The following OPCML variants were observed in gnomAD, a reference collection of about 807,000 sequenced individuals.
The protein encoded by OPCML is opioid binding protein/cell adhesion molecule like.
Under a neutral mutation model 37.8 loss-of-function variants are expected in OPCML, and 13 were observed. The observed-to-expected ratio is 0.34, with a 90% CI of 0.22 to 0.55. OPCML has a LOEUF of 0.55. Among genes scored for constraint, OPCML ranks in the 20% least tolerant of loss-of-function variants. OPCML has a pLI of 0.91. For synonymous variants in OPCML, 176 were observed against 168.8 expected (o/e 1.04, Z -0.33); for missense variants, 341 against 435.6 (o/e 0.78, Z 1.93).
intron 2 of OPCML, among the ~76,000 whole-genome samples, chr11:132,835,357 T>C (rs778345884): frequency 6.6e-6 from 1 of 152,144 alleles, no homozygotes; most frequent in African/African-American, 2.4e-5. Context: ...GTGGAAAGAA[T>C]TGCATTCTCC....
intron 4 of OPCML, among the ~76,000 whole-genome samples, chr11:132,446,639 T>C (rs747538170): frequency 6.6e-6 from 1 of 152,166 alleles, no homozygotes; most frequent in Non-Finnish European, 1.5e-5. Context: ...TTTTATTTAT[T>C]TTACACATTT....
At chr11:133,038,732 G>T (rs1035935109) in intron 1 of OPCML, among the ~76,000 whole-genome samples, 2 of 151,802 alleles carry the variant, frequency 1.3e-5, no homozygotes, top group Non-Finnish European at 2.9e-5. Context: ...GCTGTCTAAG[G>T]TGAGTTCAGG....
At chr11:133,465,634 T>G (rs1946959853) in intron 1 of OPCML, among the ~76,000 whole-genome samples, 1 of 152,156 alleles carries the variant, frequency 6.6e-6, no homozygotes, top group Non-Finnish European at 1.5e-5. Flanking sequence ...CGTGGTGGAA[T>G]AGCCAAGAAG....
intron 1 of OPCML, among the ~76,000 whole-genome samples, chr11:133,062,679 G>C (rs896239692): frequency 6.6e-6 from 1 of 152,130 alleles, no homozygotes; most frequent in South Asian, 2.1e-4. Context: ...CTGCCTGAGC[G>C]GCATCCTTGG....
In OPCML at chr11:133,427,873, G is replaced by A. The variant is rs186603633; in HGVS notation, c.61+104391C>T. 1.9e-3 allele frequency among the ~76,000 whole-genome samples: 291 copies of A among 152,086 alleles called. 2 individuals are homozygous for A. The highest frequency in any genetic ancestry group is 6.4e-3 in the African/African-American group (264 of 41,494). ...GTATACTCTCCATGAAAATATCTATGTGCATATATATGTAAGCCCACACCT... is the reference window on the plus strand; with the variant it reads ...GTATACTCTCCATGAAAATATCTATATGCATATATATGTAAGCCCACACCT... On this transcript the variant is annotated intron_variant, in intron 1 of 7. Coordinates refer to ENST00000524381, the MANE Select transcript of OPCML (RefSeq NM_001012393.5).
At chr11:132,488,029 G>A (rs1181680938) in intron 4 of OPCML, among the ~76,000 whole-genome samples, 2 of 152,196 alleles carry the variant, frequency 1.3e-5, no homozygotes, top group East Asian at 3.9e-4. Context: ...TACCTTTGCA[G>A]CCACAGCTCC....
intron 4 of OPCML, among the ~76,000 whole-genome samples, chr11:132,519,803 C>G (rs766547238): frequency 6.6e-5 from 10 of 152,112 alleles, no homozygotes; most frequent in Admixed American, 2.0e-4. Flanking sequence ...TAATTAGGCT[C>G]TAAACATGAC....
At chr11:133,254,484 C>A (rs191863987) in intron 1 of OPCML, among the ~76,000 whole-genome samples, 11 of 152,242 alleles carry the variant, frequency 7.2e-5, no homozygotes, top group Admixed American at 6.5e-4. Context: ...TTCTTCAACC[C>A]GGGAAGGCAA....
Position 133,320,938 on chromosome 11 carries a change from G to A in OPCML, c.61+211326C>T, listed in dbSNP as rs887451766. Among the ~76,000 whole-genome samples, 8 of 152,136 alleles carry A rather than the reference G, an allele frequency of 5.3e-5. No individual in the cohort carries two copies. The East Asian group carries it at 7.7e-4, about 15-fold the overall frequency. ...GGCTGAGGATGTGGTCTTATCAGCC[G>A]TGGAGTTTGGCTAAGGCAGAAAACA... On this transcript the variant is annotated intron_variant, in intron 1 of 7. Transcript: ENST00000524381.
chr11:133,438,079 T>G (rs1172962329), intron 1 of OPCML, among the ~76,000 whole-genome samples: 1 of 152,218 alleles, frequency 6.6e-6, no homozygotes, highest in Non-Finnish European at 1.5e-5. Context: ...TAGTCAAGTT[T>G]AAATAACTGT....
At chr11:133,295,840 A>G (rs1942616070) in intron 1 of OPCML, among the ~76,000 whole-genome samples, 2 of 152,236 alleles carry the variant, frequency 1.3e-5, no homozygotes, top group African/African-American at 4.8e-5. Flanking sequence ...TCATAGAAAA[A>G]GCCAGTTTTT....
intron 1 of OPCML, among the ~76,000 whole-genome samples, chr11:133,110,156 T>G (rs973947867): frequency 1.3e-5 from 2 of 152,202 alleles, no homozygotes; most frequent in African/African-American, 4.8e-5. Context: ...AACAACCCTG[T>G]TCTGGTCCAT....
At position 132,509,952 on chromosome 11, in the gene OPCML, G is replaced by T. The variant is rs191932724; in HGVS notation, c.505+19109C>A. 1.4e-3 allele frequency among the ~76,000 whole-genome samples: 218 copies of T among 152,256 alleles called. 2 individuals are homozygous for T. Among genetic ancestry groups the T allele is most frequent in the Admixed American group, 3.0e-3 (46 of 15,296 alleles). On this transcript the variant is annotated intron_variant, in intron 4 of 7. Transcript: ENST00000524381. ...GATCTACCAACAGCTTGCACTGTGTGCATGGAAAAACCACAGATACTCAAT... is the reference window on the plus strand; with the variant it reads ...GATCTACCAACAGCTTGCACTGTGTTCATGGAAAAACCACAGATACTCAAT...
chr11:132,782,915 G>GTATATA (rs1331827550), intron 2 of OPCML, among the ~76,000 whole-genome samples: 3 of 85,724 alleles, frequency 3.5e-5, no homozygotes, highest in African/African-American at 1.4e-4. Context: ...TATATAGTGT[G>GTATATA]TGTATATATA....
intron 4 of OPCML, among the ~76,000 whole-genome samples, chr11:132,511,032 C>T (rs1591484137): frequency 1.3e-5 from 2 of 152,026 alleles, no homozygotes; most frequent in South Asian, 2.1e-4. Flanking sequence ...AAGAGTAAAA[C>T]TATCTCCTCA....
chr11:133,444,094 A>C (rs1010049386), intron 1 of OPCML, among the ~76,000 whole-genome samples: 53 of 152,134 alleles, frequency 3.5e-4, no homozygotes, highest in African/African-American at 1.3e-3. Context: ...CTCTGAGAAC[A>C]GGGGAGACAC....
intron 1 of OPCML, among the ~76,000 whole-genome samples, chr11:132,944,097 AGCCCGCACCGC>A (rs1945682656): frequency 1.3e-5 from 2 of 151,788 alleles, no homozygotes; most frequent in Admixed American, 1.3e-4. Flanking sequence ...TGCGGGGATG[AGCCCGCACCGC>A]GCCCACTTCG....
At chr11:133,094,161 G>A (rs1467612872) in intron 1 of OPCML, among the ~76,000 whole-genome samples, 3 of 152,088 alleles carry the variant, frequency 2.0e-5, no homozygotes, top group East Asian at 3.8e-4. Context: ...TGAGTGATGC[G>A]AGAGTAGCTG....
intron 7 of OPCML, among the ~76,000 whole-genome samples, chr11:132,432,365 A>G (rs2095999987): frequency 2.0e-5 from 3 of 152,198 alleles, no homozygotes; most frequent in Admixed American, 2.0e-4. Flanking sequence ...TCAACCAGAC[A>G]CTATCTGTCT....
Sources: allele counts gnomAD v4.1 joint callset (sites outside exome capture counted in the v4.1 genomes callset), GRCh38; gene constraint gnomAD v4.1.1; transcripts MANE v1.5; gene names NCBI Gene and HGNC (gene_info 2026-07-23, HGNC 2026-07-21).